SCD5: variants seen among roughly 807,000 people sequenced by gnomAD.
The protein encoded by SCD5 is stearoyl-CoA desaturase 5, also known as acyl-CoA-desaturase 4.
SCD5 carries 20 observed loss-of-function variants against 30.4 expected under a neutral mutation model. The observed-to-expected ratio is 0.66, with a 90% CI of 0.46 to 0.96. SCD5 has a LOEUF of 0.96. SCD5 is among the 40% of genes least tolerant of loss of function. The pLI is 0.00. For synonymous variants in SCD5, 173 were observed against 176.4 expected, an observed-to-expected ratio of 0.98 and a Z score of 0.16; for missense variants, 381 against 443.3, an observed-to-expected ratio of 0.86 and a Z score of 1.26.
intron 1 of SCD5, among the ~76,000 whole-genome samples, chr4:82,785,132 C>A (rs563204886): frequency 6.6e-6 from 1 of 152,294 alleles, no homozygotes; most frequent in South Asian, 2.1e-4. Context: ...CCCCATCCCC[C>A]CAGCTCCAGA....
intron 1 of SCD5, among the ~76,000 whole-genome samples, chr4:82,739,627 G>T (rs1009756805): frequency 6.6e-6 from 1 of 152,194 alleles, no homozygotes. Context: ...AGTATCTATT[G>T]CCATGTGTGT....
intron 4 of SCD5, among the ~76,000 whole-genome samples, chr4:82,634,516 G>A (rs1727383453): frequency 1.3e-5 from 2 of 151,840 alleles, no homozygotes; most frequent in Non-Finnish European, 2.9e-5. Context: ...TGTTTTTCCT[G>A]GATTAAAGAG....
At chr4:82,719,221 A>G (rs1720302834) in intron 1 of SCD5, among the ~76,000 whole-genome samples, 1 of 151,732 alleles carries the variant, frequency 6.6e-6, no homozygotes, top group Non-Finnish European at 1.5e-5. Context: ...TTTTTCCAGG[A>G]ACTACATACC....
At chr4:82,791,985 C>T (rs1050024112) in intron 1 of SCD5, among the ~76,000 whole-genome samples, 2 of 152,098 alleles carry the variant, frequency 1.3e-5, no homozygotes, top group Non-Finnish European at 1.5e-5. Context: ...TGGCCGGGCA[C>T]GCTGGCTGAC....
At chr4:82,746,513 C>A (rs1035306736) in intron 1 of SCD5, among the ~76,000 whole-genome samples, 1 of 152,094 alleles carries the variant, frequency 6.6e-6, no homozygotes, top group African/African-American at 2.4e-5. Context: ...CTCTTCAGAT[C>A]AATCAGGTTC....
At chr4:82,703,374 A>G (rs1719898311) in intron 2 of SCD5, among the ~76,000 whole-genome samples, 1 of 152,242 alleles carries the variant, frequency 6.6e-6, no homozygotes, top group South Asian at 2.1e-4. Context: ...ATAAAAGAGA[A>G]GGGGAGAACA....
chr4:82,640,620 A>C (rs1727522699), intron 3 of SCD5, among the ~76,000 whole-genome samples: 1 of 152,210 alleles, frequency 6.6e-6, no homozygotes, highest in South Asian at 2.1e-4. Context: ...TCTCAAGCCG[A>C]CTTAGCAAAT....
chr4:82,667,285 C>CACACGG (rs1728211358), intron 3 of SCD5, among the ~76,000 whole-genome samples: 4 of 89,862 alleles, frequency 4.5e-5, no homozygotes, highest in African/African-American at 2.2e-4. Context: ...CACACACACA[C>CACACGG]ACGCACGCAC....
intron 1 of SCD5, among the ~76,000 whole-genome samples, chr4:82,749,048 G>A (rs1196950116): frequency 2.0e-5 from 3 of 152,200 alleles, no homozygotes; most frequent in Non-Finnish European, 2.9e-5. Context: ...GCAGGTTAAC[G>A]AGAAAAGCAT....
intron 1 of SCD5, among the ~76,000 whole-genome samples, chr4:82,763,407 A>T (rs1394449522): frequency 6.6e-6 from 1 of 152,206 alleles, no homozygotes; most frequent in Non-Finnish European, 1.5e-5. Context: ...GCTACTCAGG[A>T]GGCTAAGGCA....
chr4:82,700,649 TG>T (rs1719808923), intron 2 of SCD5, among the ~76,000 whole-genome samples: 1 of 151,896 alleles, frequency 6.6e-6, no homozygotes, highest in African/African-American at 2.4e-5. Context: ...AAGCTGGGTG[TG>T]GTGCTATGTG....
chr4:82,732,994 T>G (rs1205867343), intron 1 of SCD5, among the ~76,000 whole-genome samples: 2 of 152,168 alleles, frequency 1.3e-5, no homozygotes, highest in East Asian at 3.8e-4. Context: ...ATGATGATGC[T>G]GATGATAATG....
chr4:82,677,797 T>C (rs1728467636), intron 3 of SCD5, among the ~76,000 whole-genome samples: 1 of 152,158 alleles, frequency 6.6e-6, no homozygotes, highest in African/African-American at 2.4e-5. Context: ...TCTGGCTTCC[T>C]CTATCTACGT....
intron 1 of SCD5, among the ~76,000 whole-genome samples, chr4:82,774,330 T>C (rs1452598420): frequency 2.0e-5 from 3 of 151,554 alleles, no homozygotes; most frequent in African/African-American, 7.3e-5. Flanking sequence ...TCTATGGACA[T>C]GAAAAGATGT....
At chr4:82,773,071 C>A (rs1192075672) in intron 1 of SCD5, among the ~76,000 whole-genome samples, 3 of 152,090 alleles carry the variant, frequency 2.0e-5, no homozygotes, top group Non-Finnish European at 4.4e-5. Context: ...CATTCCTGAT[C>A]CTGCAGGCCC....
intron 3 of SCD5, among the ~76,000 whole-genome samples, chr4:82,679,234 A>AAGGAAGAG (rs1728505674): frequency 1.0e-5 from 1 of 96,376 alleles, no homozygotes; most frequent in Non-Finnish European, 2.1e-5. Flanking sequence ...GAAAGAAAGA[A>AAGGAAGAG]AGAAAGAAAG....
At chr4:82,712,287 TATATATATA>T (rs1560540846) in intron 1 of SCD5, among the ~76,000 whole-genome samples, 18 of 46,500 alleles carry the variant, frequency 3.9e-4, no homozygotes, top group African/African-American at 9.5e-4. Context: ...TATATATATA[TATATATATA>T]TTTTATTTTT....
At chr4:82,770,999 T>A (rs1336681641) in intron 1 of SCD5, among the ~76,000 whole-genome samples, 2 of 152,188 alleles carry the variant, frequency 1.3e-5, no homozygotes, top group East Asian at 3.9e-4. Flanking sequence ...AGGATCTCAC[T>A]CTGTCACCCA....
intron 1 of SCD5, among the ~76,000 whole-genome samples, chr4:82,772,076 TA>T (rs905043285): frequency 6.6e-6 from 1 of 152,086 alleles, no homozygotes; most frequent in African/African-American, 2.4e-5. Flanking sequence ...AGGGATATAA[TA>T]AAAAAAATTT....
Sources: allele counts gnomAD v4.1 joint callset (sites outside exome capture counted in the v4.1 genomes callset), GRCh38; gene constraint gnomAD v4.1.1; transcripts MANE v1.5; gene names NCBI Gene and HGNC (gene_info 2026-07-23, HGNC 2026-07-21).